Variants in GLCE observed in about 807,000 individuals in gnomAD.
The protein encoded by GLCE is glucuronic acid epimerase, also known as D-glucuronyl C5-epimerase.
A neutral mutation model predicts 47.9 loss-of-function variants in GLCE; 19 were observed. That is an observed-to-expected ratio of 0.40 (90% CI 0.28 to 0.58). The LOEUF is 0.58. GLCE is among the 20% of genes least tolerant of loss of function. GLCE has a pLI of 0.48. For missense variants in GLCE, 556 were observed against 743.3 expected (o/e 0.75, Z 2.93); for synonymous variants, 245 against 263.4 (o/e 0.93, Z 0.68).
At chr15:69,206,470 T>C (rs1284757622) in intron 1 of GLCE, among the ~76,000 whole-genome samples, 1 of 152,066 alleles carries the variant, frequency 6.6e-6, no homozygotes, top group African/African-American at 2.4e-5. Context: ...TATATCTATA[T>C]GTTATTAAGT....
At chr15:69,187,080 GGTTAAT>G (rs1471196147) in intron 1 of GLCE, among the ~76,000 whole-genome samples, 1 of 152,074 alleles carries the variant, frequency 6.6e-6, no homozygotes, top group Non-Finnish European at 1.5e-5. Flanking sequence ...CAATGTCTTA[GGTTAAT>G]GTTCATGGTG....
chr15:69,199,814 C>T (rs996389125), intron 1 of GLCE, among the ~76,000 whole-genome samples: 3 of 152,088 alleles, frequency 2.0e-5, no homozygotes, highest in Non-Finnish European at 2.9e-5. Flanking sequence ...TGGGTTAGAA[C>T]TTGGTCATTG....
At chr15:69,180,930 A>G (rs1341922055) in intron 1 of GLCE, among the ~76,000 whole-genome samples, 1 of 152,178 alleles carries the variant, frequency 6.6e-6, no homozygotes, top group Non-Finnish European at 1.5e-5. Context: ...CAGTGAAACC[A>G]CCTAGGAGAC....
chr15:69,200,234 G>A (rs1342052219), intron 1 of GLCE, among the ~76,000 whole-genome samples: 1 of 152,094 alleles, frequency 6.6e-6, no homozygotes, highest in Admixed American at 6.6e-5. Context: ...TAAACAGATT[G>A]TTTATGAGGT....
chr15:69,205,754 C>T (rs543860898), intron 1 of GLCE, among the ~76,000 whole-genome samples: 23 of 152,062 alleles, frequency 1.5e-4, no homozygotes, highest in South Asian at 1.0e-3. Flanking sequence ...AGTGATGTTG[C>T]GCATTTTGTC....
chr15:69,198,578 A>G (rs1042611402), intron 1 of GLCE, among the ~76,000 whole-genome samples: 9 of 152,156 alleles, frequency 5.9e-5, no homozygotes, highest in Non-Finnish European at 1.3e-4. Flanking sequence ...CCCATAGAGC[A>G]TCTCACAGTA....
intron 2 of GLCE, among the ~76,000 whole-genome samples, chr15:69,212,825 T>G (rs1389934283): frequency 6.6e-6 from 1 of 152,090 alleles, no homozygotes; most frequent in African/African-American, 2.4e-5. Flanking sequence ...GTAAAGAAAC[T>G]AGTTAGGAAG....
intron 1 of GLCE, among the ~76,000 whole-genome samples, chr15:69,171,937 G>C (rs2051595228): frequency 6.6e-6 from 1 of 152,164 alleles, no homozygotes; most frequent in Non-Finnish European, 1.5e-5. Context: ...GAATTTGTCA[G>C]AGGGAAGAGA....
At chr15:69,170,106 A>T (rs1424719837) in intron 1 of GLCE, among the ~76,000 whole-genome samples, 1 of 152,182 alleles carries the variant, frequency 6.6e-6, no homozygotes, top group Non-Finnish European at 1.5e-5. Context: ...ACATTGCCAT[A>T]TTGCTTTCTA....
chr15:69,248,546 A>C (rs2052788289), intron 2 of GLCE, among the ~76,000 whole-genome samples: 1 of 152,150 alleles, frequency 6.6e-6, no homozygotes, highest in African/African-American at 2.4e-5. Context: ...TCAAGAAAGG[A>C]AGGAAAGGAG....
At chr15:69,167,053 T>TA (rs2051514069) in intron 1 of GLCE, among the ~76,000 whole-genome samples, 1 of 150,588 alleles carries the variant, frequency 6.6e-6, no homozygotes, top group South Asian at 2.1e-4. Flanking sequence ...CCGTCTCTAC[T>TA]AAAAATACAA....
chr15:69,170,168 T>A lies in GLCE; in HGVS notation c.-105+9411T>A, dbSNP rs547242406. ...TGAAACATTAGTTTTAAAAAAACAT[T>A]TGCAATTTGATAAGCAAAATATCTT... On this transcript the variant is annotated intron_variant, in intron 1 of 4. Coordinates refer to ENST00000261858, the MANE Select transcript of GLCE (RefSeq NM_015554.3). Among the ~76,000 whole-genome samples the A allele has an allele frequency of 2.6e-5, 4 of 152,288 alleles. No homozygotes were observed. The South Asian group carries it at 8.3e-4, about 32-fold the overall frequency.
chr15:69,232,044 G>T (rs187510971), intron 2 of GLCE, among the ~76,000 whole-genome samples: 1 of 152,276 alleles, frequency 6.6e-6, no homozygotes, highest in African/African-American at 2.4e-5. Context: ...ATCTGCCTCG[G>T]CCTCCCAAAG....
chr15:69,162,894 A>G (rs1291078608), intron 1 of GLCE, among the ~76,000 whole-genome samples: 1 of 152,158 alleles, frequency 6.6e-6, no homozygotes, highest in Admixed American at 6.5e-5. Context: ...CCTCTTAGAT[A>G]CAATTTTTTT....
intron 1 of GLCE, among the ~76,000 whole-genome samples, chr15:69,179,755 C>T (rs747313647): frequency 4.6e-5 from 7 of 152,126 alleles, no homozygotes; most frequent in African/African-American, 1.4e-4. Flanking sequence ...GAAGCCAAGG[C>T]GGGTGGATCA....
At chr15:69,259,649 G>A (rs1159347084) in intron 3 of GLCE, among the ~76,000 whole-genome samples, 1 of 152,188 alleles carries the variant, frequency 6.6e-6, no homozygotes, top group Non-Finnish European at 1.5e-5. Context: ...GTACTAGAAT[G>A]TGTTTCTGGA....
intron 1 of GLCE, among the ~76,000 whole-genome samples, chr15:69,206,254 G>T (rs1466544125): frequency 6.6e-6 from 1 of 152,012 alleles, no homozygotes; most frequent in East Asian, 1.9e-4. Flanking sequence ...TGAGTTTTAG[G>T]AAGAATACAC....
intron 1 of GLCE, among the ~76,000 whole-genome samples, chr15:69,197,729 A>G (rs571284665): frequency 6.6e-6 from 1 of 152,284 alleles, no homozygotes; most frequent in South Asian, 2.1e-4. Flanking sequence ...ATATGGATTC[A>G]GGAGAAAATG....
chr15:69,162,608 T>C (rs1952646691), intron 1 of GLCE, among the ~76,000 whole-genome samples: 1 of 152,176 alleles, frequency 6.6e-6, no homozygotes, highest in Non-Finnish European at 1.5e-5. Context: ...CCAGGCTAGG[T>C]TGTAGCATCG....
Sources: allele counts gnomAD v4.1 joint callset (sites outside exome capture counted in the v4.1 genomes callset), GRCh38; gene constraint gnomAD v4.1.1; transcripts MANE v1.5; gene names NCBI Gene and HGNC (gene_info 2026-07-23, HGNC 2026-07-21).